Variants in DLGAP2 observed in about 807,000 individuals in gnomAD.
DLGAP2 encodes disks large-associated protein 2.
DLGAP2 carries 26 observed loss-of-function variants against 100.3 expected under a neutral mutation model. That is an observed-to-expected ratio of 0.26 (90% confidence interval 0.19 to 0.36). DLGAP2 has a LOEUF of 0.36. DLGAP2 is among the 10% of genes least tolerant of loss of function. DLGAP2 has a pLI of 1.00. For synonymous variants in DLGAP2, 886 were observed against 630.1 expected (o/e 1.41, Z -6.08); for missense variants, 1,858 against 1,453.2 (o/e 1.28, Z -4.53).
chr8:1,213,871 C>G (rs998161814), intron 2 of DLGAP2, among the ~76,000 whole-genome samples: 6 of 152,198 alleles, frequency 3.9e-5, no homozygotes, highest in African/African-American at 1.4e-4. Flanking sequence ...GAGCACATGG[C>G]AGACTCCGCC....
chr8:1,222,516 A>T (rs1455413485), intron 2 of DLGAP2, among the ~76,000 whole-genome samples: 5 of 152,072 alleles, frequency 3.3e-5, no homozygotes, highest in African/African-American at 1.2e-4. Flanking sequence ...CTGCTAGCCA[A>T]AGTGCTCTTG....
At chr8:1,342,734 G>A (rs571732399) in intron 3 of DLGAP2, among the ~76,000 whole-genome samples, 1 of 152,310 alleles carries the variant, frequency 6.6e-6, no homozygotes, top group African/African-American at 2.4e-5. Flanking sequence ...ACTTCAAAAC[G>A]AAAATTAACA....
chr8:1,700,065 T>C (rs958253177), intron 14 of DLGAP2, among the ~76,000 whole-genome samples: 3 of 152,200 alleles, frequency 2.0e-5, no homozygotes, highest in African/African-American at 4.8e-5. Context: ...GTAAGAGTCA[T>C]TGCTTCTGGC....
At chr8:1,171,469 T>C (rs1797126730) in intron 2 of DLGAP2, among the ~76,000 whole-genome samples, 1 of 151,888 alleles carries the variant, frequency 6.6e-6, no homozygotes, top group African/African-American at 2.4e-5. Context: ...ATCTGTCTAA[T>C]GGTGACAGTG....
intron 1 of DLGAP2, among the ~76,000 whole-genome samples, chr8:881,840 T>A (rs1348981208): frequency 4.6e-5 from 7 of 152,068 alleles, no homozygotes; most frequent in Non-Finnish European, 7.4e-5. Flanking sequence ...ATTGGAAACA[T>A]ATGCCCTGTC....
chr8:1,469,184 T>C (rs1020766694), intron 3 of DLGAP2, among the ~76,000 whole-genome samples: 34 of 152,222 alleles, frequency 2.2e-4, no homozygotes, highest in African/African-American at 8.2e-4. Flanking sequence ...TGGCAGATCC[T>C]CCAGTCCTGG....
At chr8:1,483,731 G>C (rs1223560851) in intron 3 of DLGAP2, among the ~76,000 whole-genome samples, 1 of 150,866 alleles carries the variant, frequency 6.6e-6, no homozygotes, top group African/African-American at 2.4e-5. Context: ...CAGGAAGGCA[G>C]GTGCAGAATG....
At chr8:1,339,446 C>T (rs554284068) in intron 3 of DLGAP2, among the ~76,000 whole-genome samples, 2 of 152,308 alleles carry the variant, frequency 1.3e-5, no homozygotes, top group South Asian at 2.1e-4. Flanking sequence ...CTGGGACAGC[C>T]TCGGGAGCCT....
In DLGAP2 at chr8:1,182,521, C is replaced by G. The variant is rs1797412157; in HGVS notation, c.74-76330C>G. On this transcript the variant is annotated intron_variant, in intron 2 of 14. Transcript: ENST00000637795. ...CTAGGAAATGAGCGTGCATTTAATGCTCACACGTGTGATGTCTATGTGAGA... is the reference window on the plus strand; with the variant it reads ...CTAGGAAATGAGCGTGCATTTAATGGTCACACGTGTGATGTCTATGTGAGA... Among the ~76,000 whole-genome samples the G allele has an allele frequency of 1.3e-5, 2 of 152,212 alleles. 1 individual carries two copies. The highest frequency in any genetic ancestry group is 2.9e-5 in the Non-Finnish European group (2 of 68,052).
At chr8:1,594,088 C>T (rs1462808483) in intron 6 of DLGAP2, among the ~76,000 whole-genome samples, 1 of 152,158 alleles carries the variant, frequency 6.6e-6, no homozygotes, top group Admixed American at 6.5e-5. Flanking sequence ...ACCTTCTTCT[C>T]TCTGGGAAGG....
intron 2 of DLGAP2, among the ~76,000 whole-genome samples, chr8:1,068,392 G>C (rs781554198): frequency 6.6e-6 from 1 of 152,176 alleles, no homozygotes; most frequent in Non-Finnish European, 1.5e-5. Context: ...GTCTTCCAAC[G>C]CAGCTGCGTT....
chr8:1,614,329 G>C (rs1367689567), intron 6 of DLGAP2, among the ~76,000 whole-genome samples: 1 of 152,214 alleles, frequency 6.6e-6, no homozygotes, highest in East Asian at 1.9e-4. Context: ...TCTCACCTCA[G>C]AACTGACTCA....
At chr8:971,331 A>G (rs1800009145) in intron 2 of DLGAP2, among the ~76,000 whole-genome samples, 1 of 152,200 alleles carries the variant, frequency 6.6e-6, no homozygotes, top group South Asian at 2.1e-4. Flanking sequence ...CACCACTGTT[A>G]TCCTCCTCAC....
chr8:1,323,090 G>C lies in DLGAP2; in HGVS notation c.106+64207G>C, dbSNP rs565081110. On this transcript the variant is annotated intron_variant, in intron 3 of 14. Transcript: ENST00000637795. ...CTGTTACCCAGACTGGAGTGCAATGGCGTGATCTCGGTTCATGCAACCTCC... is the reference window on the plus strand; with the variant it reads ...CTGTTACCCAGACTGGAGTGCAATGCCGTGATCTCGGTTCATGCAACCTCC... Among the ~76,000 whole-genome samples, 212 of 151,614 alleles carry C rather than the reference G, an allele frequency of 1.4e-3. 1 individual carries two copies. Among genetic ancestry groups the C allele is most frequent in the Non-Finnish European group, 2.4e-3 (161 of 67,958 alleles).
chr8:1,112,272 G>C (rs757169851), intron 2 of DLGAP2, among the ~76,000 whole-genome samples: 22 of 54,204 alleles, frequency 4.1e-4, no homozygotes, highest in Middle Eastern at 0.02. Context: ...ACAGAGTTTT[G>C]CTCTGTTGCC....
chr8:1,190,934 C>A (rs896483926), intron 2 of DLGAP2, among the ~76,000 whole-genome samples: 18 of 152,118 alleles, frequency 1.2e-4, no homozygotes, highest in African/African-American at 4.3e-4. Context: ...GGAAGCCGTC[C>A]CATGGTGCGA....
At chr8:1,360,850 C>A (rs978790248) in intron 3 of DLGAP2, among the ~76,000 whole-genome samples, 1 of 152,220 alleles carries the variant, frequency 6.6e-6, no homozygotes, top group Non-Finnish European at 1.5e-5. Flanking sequence ...CTGCACACGA[C>A]GGTGAGATCC....
At chr8:1,386,474 A>T (rs983142098) in intron 3 of DLGAP2, among the ~76,000 whole-genome samples, 3 of 152,180 alleles carry the variant, frequency 2.0e-5, no homozygotes, top group Non-Finnish European at 4.4e-5. Context: ...AGCTGGGAGA[A>T]CCTGCAGAAT....
Position 1,435,965 on chromosome 8 carries a change from C to T in DLGAP2, c.107-65401C>T, listed in dbSNP as rs182655991. Among the ~76,000 whole-genome samples the T allele has an allele frequency of 1.5e-3, 235 of 152,212 alleles. 1 individual carries two copies. Among genetic ancestry groups the T allele is most frequent in the African/African-American group, 5.4e-3 (223 of 41,542 alleles). ...AAAATATTTGTACAGCTGTACAATG[C>T]ATTTGTGTTTTAAGCTCAGCCTTAC... On this transcript the variant is annotated intron_variant, in intron 3 of 14. Transcript: ENST00000637795.
Sources: gnomAD v4.1 joint callset for allele counts (sites outside exome capture counted in the v4.1 genomes callset) on GRCh38, gnomAD v4.1.1 for gene constraint, MANE v1.5 for transcripts, NCBI Gene and HGNC (gene_info 2026-07-23, HGNC 2026-07-21) for gene names.